SPIDR: variants seen among roughly 807,000 people sequenced by gnomAD.
SPIDR encodes the protein DNA repair-scaffolding protein.
In SPIDR, 93 loss-of-function variants were observed where a neutral mutation model predicts 104.6. The ratio of observed to expected loss-of-function variants is 0.89; its 90% CI spans 0.75 to 1.06. SPIDR has a LOEUF of 1.06. Ranked by LOEUF, SPIDR falls within the 50% of genes least tolerant of loss-of-function variation. The probability of loss-of-function intolerance (pLI) is 0.00; values close to 1 mark genes in which losing one functional copy is unlikely to be tolerated. For synonymous variants in SPIDR, 431 were observed against 416.9 expected (o/e 1.03, Z -0.41); for missense variants, 1,154 against 1,111.2 (o/e 1.04, Z -0.55).
intron 8 of SPIDR, among the ~76,000 whole-genome samples, chr8:47,584,487 G>T (rs1322490171): frequency 3.3e-5 from 5 of 152,106 alleles, no homozygotes; most frequent in Non-Finnish European, 7.4e-5. Context: ...ACTTAATAAG[G>T]TTTAAAGCAA....
intron 5 of SPIDR, among the ~76,000 whole-genome samples, chr8:47,383,650 G>A (rs1205191173): frequency 6.6e-6 from 1 of 152,168 alleles, no homozygotes; most frequent in Non-Finnish European, 1.5e-5. Flanking sequence ...TAGATTTAGA[G>A]CGTTGTCGCC....
intron 8 of SPIDR, among the ~76,000 whole-genome samples, chr8:47,504,743 G>A: frequency 6.6e-6 from 1 of 152,152 alleles, no homozygotes; most frequent in East Asian, 1.9e-4. Context: ...TTTCTGCTCT[G>A]TTTTTTCTCC....
rs1411633890 is a variant in SPIDR at position 47,487,065 on chromosome 8, A to G, written c.1097+46523A>G. Among the ~76,000 whole-genome samples the G allele has an allele frequency of 5.3e-5, 8 of 152,258 alleles. 1 individual carries two copies. Among genetic ancestry groups the G allele is most frequent in the African/African-American group, 1.9e-4 (8 of 41,472 alleles). On this transcript the variant is annotated intron_variant, in intron 8 of 19. Coordinates refer to ENST00000297423, the MANE Select transcript of SPIDR (RefSeq NM_001080394.4). Reference sequence around the variant, plus strand: ...AAAGACACAGACTGGCAAATTGGATAAACAGTGAAGATCCATCAGTGTGCT... The same window carrying G: ...AAAGACACAGACTGGCAAATTGGATGAACAGTGAAGATCCATCAGTGTGCT...
chr8:47,304,853 A>T (rs1586670402), intron 5 of SPIDR, among the ~76,000 whole-genome samples: 1 of 152,272 alleles, frequency 6.6e-6, no homozygotes, highest in African/African-American at 2.4e-5. Context: ...GGATTAGGCC[A>T]TGAGGGCCTT....
chr8:47,370,481 C>T (rs985034142), intron 5 of SPIDR, among the ~76,000 whole-genome samples: 43 of 130,674 alleles, frequency 3.3e-4, no homozygotes, highest in African/African-American at 1.2e-3. Context: ...GAGTTTTGCG[C>T]TGTCGCCCAG....
Position 47,653,657 on chromosome 8 carries a change from G to A in SPIDR, c.1545-20144G>A, listed in dbSNP as rs560792397. 3.3e-5 allele frequency among the ~76,000 whole-genome samples: 5 copies of A among 152,192 alleles called. No individual in the cohort carries two copies. The South Asian group carries it at 1.0e-3, about 32-fold the overall frequency. The stretch of plus-strand genomic sequence containing the variant: ...GTCTTATGTCCCTTTTCCCCAGGAG[G>A]GCTGAATAAATGCCTGTTGATTAAC... On this transcript the variant is annotated intron_variant, in intron 10 of 19. Transcript: ENST00000297423.
chr8:47,321,045 G>T (rs2046461489), intron 5 of SPIDR, among the ~76,000 whole-genome samples: 1 of 152,190 alleles, frequency 6.6e-6, no homozygotes, highest in Admixed American at 6.5e-5. Flanking sequence ...AGACAGGGAT[G>T]CCCTCTCTCA....
chr8:47,395,647 C>T (rs531798918), intron 5 of SPIDR, among the ~76,000 whole-genome samples: 2 of 152,186 alleles, frequency 1.3e-5, no homozygotes, highest in African/African-American at 4.8e-5. Context: ...TGATTTTTCC[C>T]TCCAGAATTA....
chr8:47,308,490 G>A (rs888610279), intron 5 of SPIDR, among the ~76,000 whole-genome samples: 4 of 151,760 alleles, frequency 2.6e-5, no homozygotes, highest in African/African-American at 9.7e-5. Flanking sequence ...CTAAGCCTGA[G>A]TTTTTCTCCA....
chr8:47,275,026 G>A (rs949125579), intron 1 of SPIDR, among the ~76,000 whole-genome samples: 2 of 151,498 alleles, frequency 1.3e-5, no homozygotes, highest in Non-Finnish European at 3.0e-5. Flanking sequence ...TTGGGAGGCC[G>A]AGGCGGGTGG....
intron 8 of SPIDR, among the ~76,000 whole-genome samples, chr8:47,551,866 GT>G (rs1379232652): frequency 6.6e-6 from 1 of 152,212 alleles, no homozygotes; most frequent in East Asian, 1.9e-4. Context: ...TGATGTTAGG[GT>G]GTCAATTTTA....
intron 5 of SPIDR, among the ~76,000 whole-genome samples, chr8:47,376,047 A>G (rs1408948965): frequency 1.3e-5 from 2 of 152,192 alleles, no homozygotes; most frequent in African/African-American, 4.8e-5. Flanking sequence ...TCATTTCAAA[A>G]TCATCTCTCA....
intron 10 of SPIDR, chr8:47,654,077 T>C: frequency 3.1e-6 from 4 of 1,289,758 alleles, no homozygotes; most frequent in Non-Finnish European, 4.0e-6. Flanking sequence ...ATCTTGATCT[T>C]CTTAGGCCCC....
At chr8:47,387,288 G>A (rs1554648972) in intron 5 of SPIDR, among the ~76,000 whole-genome samples, 1 of 152,186 alleles carries the variant, frequency 6.6e-6, no homozygotes, top group African/African-American at 2.4e-5. Flanking sequence ...GAGACCACAG[G>A]GCAGGTGGGG....
At chr8:47,500,625 G>A (rs575594883) in intron 8 of SPIDR, among the ~76,000 whole-genome samples, 13 of 152,188 alleles carry the variant, frequency 8.5e-5, no homozygotes, top group Admixed American at 2.6e-4. Context: ...TTCTTTTGCC[G>A]TGCAGAAGCT....
At chr8:47,481,297 A>G (rs1224064340) in intron 8 of SPIDR, among the ~76,000 whole-genome samples, 3 of 152,236 alleles carry the variant, frequency 2.0e-5, no homozygotes, top group Non-Finnish European at 4.4e-5. Flanking sequence ...TTGTATATAT[A>G]ATGTTAAGTG....
intron 8 of SPIDR, among the ~76,000 whole-genome samples, chr8:47,536,262 A>G (rs779070699): frequency 2.6e-5 from 4 of 152,146 alleles, no homozygotes; most frequent in Admixed American, 1.3e-4. Context: ...CAAAATGCCT[A>G]TAAGTTATTT....
chr8:47,340,370 C>T (rs1215522206), intron 5 of SPIDR, among the ~76,000 whole-genome samples: 2 of 151,936 alleles, frequency 1.3e-5, no homozygotes, highest in Non-Finnish European at 2.9e-5. Context: ...TTTGGGAGGC[C>T]GAGGTGGGTA....
At chr8:47,431,989 T>C (rs976968209) in intron 7 of SPIDR, among the ~76,000 whole-genome samples, 2 of 152,350 alleles carry the variant, frequency 1.3e-5, no homozygotes, top group Admixed American at 1.3e-4. Flanking sequence ...CTTACAGCTT[T>C]ATGAATTTTA....
Sources: allele counts gnomAD v4.1 joint callset (sites outside exome capture counted in the v4.1 genomes callset), GRCh38; gene constraint gnomAD v4.1.1; transcripts MANE v1.5; gene names NCBI Gene and HGNC (gene_info 2026-07-23, HGNC 2026-07-21).